The following LZTR1 variants were observed in gnomAD, a reference collection of about 807,000 sequenced individuals.
LZTR1 encodes leucine-zipper-like transcriptional regulator 1.
LZTR1 carries 260 observed loss-of-function variants against 105.7 expected under a neutral mutation model. The ratio of observed to expected loss-of-function variants is 2.46; its 90% CI spans 2.22 to 2.72. LZTR1 has a LOEUF of 2.72. Ranked by LOEUF, LZTR1 falls within the 30% of genes most tolerant of loss-of-function variation. The pLI is 0.00. For missense variants in LZTR1, 1,214 were observed against 1,166.9 expected (o/e 1.04, Z -0.59); for synonymous variants, 490 against 476.4 (o/e 1.03, Z -0.37).
chr22:20,997,568 ACC>A lies in LZTR1; in HGVS notation c.*224_*225del, dbSNP rs936811830. On this transcript the variant is annotated 3_prime_UTR_variant, in exon 21 of 21. Transcript: ENST00000646124. ...CCACAGGGAGCGGATGATGAAGCAG[ACC>A]CCCTCCTGTCATCACCCTCTCCTGG... The A allele has an allele frequency of 3.1e-4, 156 of 499,150 alleles. No homozygotes were observed. The highest frequency in any genetic ancestry group is 2.9e-3 in the African/African-American group (148 of 51,484). The allele number at this position is 499,150 out of a possible 1,614,324, so 30.9% of individuals were successfully genotyped here.
rs567275699 is a variant in LZTR1 at position 20,997,897 on chromosome 22, C to G, written c.*549C>G. 6.5e-6 allele frequency: 1 copy of G among 153,000 alleles called. No individual in the cohort carries two copies. The highest frequency in any genetic ancestry group is 1.5e-5 in the Non-Finnish European group (1 of 68,634). The allele number at this position is 153,000 out of a possible 1,614,324, so 9.5% of individuals were successfully genotyped here. A position where few individuals can be genotyped will look rare whatever the true frequency, so the allele number is the denominator to read the frequency against. ...GAGTGGGGACCCATGATGTATGGGT[C>G]TCACCTGACTTGAGGTGAATTTTGG... On this transcript the variant is annotated 3_prime_UTR_variant, in exon 21 of 21. Transcript: ENST00000646124.
chr22:20,987,662 T>A (rs945499950), intron 4 of LZTR1, 79 bp downstream of exon 4: 21 of 1,302,856 alleles, frequency 1.6e-5, no homozygotes, highest in Non-Finnish European at 2.3e-5. Context: ...GCCTGGGGCA[T>A]TTGTGCTCGT....
At chr22:20,994,083 T>C in intron 13 of LZTR1, 21 bp from the exon 14 acceptor site, 1 of 1,577,338 alleles carries the variant, frequency 6.3e-7, no homozygotes, top group South Asian at 1.1e-5. Context: ...GGGGTGTCCT[T>C]GAGCTCCCTT....
chr22:20,987,939 T>C, intron 4 of LZTR1, 71 bp from the exon 5 acceptor site: 1 of 934,796 alleles, frequency 1.1e-6, no homozygotes. Flanking sequence ...CAGATTCTGC[T>C]CCACCTTCCA....
intron 6 of LZTR1, 82 bp downstream of exon 6, chr22:20,988,954 G>A (rs902218959): frequency 3.1e-6 from 4 of 1,276,282 alleles, no homozygotes; most frequent in Non-Finnish European, 4.5e-6. Context: ...TGAGGGCTTA[G>A]GCTGGGAGGA....
chr22:20,990,213 C>A (rs1569155460), intron 7 of LZTR1, among the ~76,000 whole-genome samples, 173 bp from the exon 8 acceptor site: 1 of 152,162 alleles, frequency 6.6e-6, no homozygotes, highest in Non-Finnish European at 1.5e-5. Context: ...CACAACTGGG[C>A]CCCGTGAAGT....
In LZTR1 at chr22:20,989,659, C is replaced by T. The variant is rs150419186; in HGVS notation, c.628C>T (p.Arg210Ter). The T allele has an allele frequency of 9.3e-5, 150 of 1,613,000 alleles. No individual in the cohort carries two copies. The highest frequency in any genetic ancestry group is 1.6e-4 in the Middle Eastern group (1 of 6,082). ...CATGTGGACAATTGGCCTCCAGGAC[C>T]GAGAGCTCACCTGCTGGGAGGAGGT... Reference protein sequence around the residue: ...NDMWTIGLQDRELTCWEEVAQ... With the variant: ...NDMWTIGLQD Residue 210 changes from arginine (R) to a stop codon, truncating the protein, a stop_gained, in exon 7 of 21, where the codon CGA becomes TGA. Coordinates refer to ENST00000646124, the MANE Select transcript of LZTR1 (RefSeq NM_006767.4). LOFTEE classifies it high-confidence loss of function.
rs941956763 is a variant in LZTR1 at position 20,988,825 on chromosome 22, G to T, written c.546G>T (p.Val182=). Residue 182 remains valine, a synonymous_variant, in exon 6 of 21, where the codon GTG becomes GTT. Coordinates refer to ENST00000646124, the MANE Select transcript of LZTR1 (RefSeq NM_006767.4). ...CTAGGTCAGCCCATGGGGCCACGGTGTACAGTGACAAGCTGTGGATCTTTG... is the reference window on the plus strand; with the variant it reads ...CTAGGTCAGCCCATGGGGCCACGGTTTACAGTGACAAGCTGTGGATCTTTG... ...PVARSAHGAT[V]YSDKLWIFAG... is the part of the protein sequence containing the mutation. The T allele has an allele frequency of 1.2e-6, 2 of 1,614,040 alleles. No homozygotes were observed. The highest frequency in any genetic ancestry group is 1.7e-6 in the Non-Finnish European group (2 of 1,180,038).
chr22:20,992,403 C>T, intron 10 of LZTR1, 34 bp downstream of exon 10: 1 of 1,589,930 alleles, frequency 6.3e-7, no homozygotes, highest in Non-Finnish European at 8.6e-7. Context: ...GACTCCATCA[C>T]CCCCTGAAAC....
At chr22:20,993,340 G>C (rs1252832772) in intron 11 of LZTR1, 11 of 485,470 alleles carry the variant, frequency 2.3e-5, no homozygotes, top group Non-Finnish European at 3.7e-6. Context: ...GCTGGTGGGG[G>C]CCAGTGTGAG....
chr22:20,982,448 C>T lies in LZTR1; in HGVS notation c.77C>T (p.Pro26Leu). Reference protein sequence around the residue: ...LAGGARSKVAPSVDFDHSCSD... With the variant: ...LAGGARSKVALSVDFDHSCSD... Reference sequence around the variant, plus strand: ...GGCGGCGCGCGGTCCAAGGTAGCCCCGAGCGTGGACTTCGACCATAGCTGC... The same window carrying T: ...GGCGGCGCGCGGTCCAAGGTAGCCCTGAGCGTGGACTTCGACCATAGCTGC... Residue 26 changes from proline to leucine, a missense_variant, in exon 1 of 21, where the codon CCG (proline) becomes CTG (leucine). Coordinates refer to ENST00000646124, the MANE Select transcript of LZTR1 (RefSeq NM_006767.4). The T allele has an allele frequency of 6.3e-7, 1 of 1,594,944 alleles. No homozygotes were observed. The highest frequency in any genetic ancestry group is 8.5e-7 in the Non-Finnish European group (1 of 1,170,570).
chr22:20,983,186 C>A, intron 2 of LZTR1, 97 bp downstream of exon 2: 1 of 1,055,886 alleles, frequency 9.5e-7, no homozygotes, highest in South Asian at 1.3e-5. Flanking sequence ...CTTTCAGATG[C>A]TAGCTGGTGC....
chr22:20,988,852 TGGCTATGACGGCAAC>T lies in LZTR1; in HGVS notation c.575_589del (p.Gly192_Asn196del). ...ACAGTGACAAGCTGTGGATCTTTGC[TGGCTATGACGGCAAC>T]GCCAGGTGGGTGGTGGTCCGGCCTG... On this transcript the variant is annotated inframe_deletion, in exon 6 of 21. Coordinates refer to ENST00000646124, the MANE Select transcript of LZTR1 (RefSeq NM_006767.4). 6.2e-7 allele frequency: 1 copy of T among 1,614,058 alleles called. No homozygotes were observed. The highest frequency in any genetic ancestry group is 8.5e-7 in the Non-Finnish European group (1 of 1,179,952).
chr22:20,984,700 C>G (rs1385380873), intron 2 of LZTR1, among the ~76,000 whole-genome samples: 1 of 151,962 alleles, frequency 6.6e-6, no homozygotes. Context: ...CTTTGAGCCA[C>G]TAGGCTTTGT....
chr22:20,990,017 C>T (rs969223082), intron 7 of LZTR1, among the ~76,000 whole-genome samples: 1 of 152,168 alleles, frequency 6.6e-6, no homozygotes, highest in Admixed American at 6.5e-5. Context: ...TATTTCAGTG[C>T]AGTGAGGGCC....
rs574907747 is a variant in LZTR1 at position 20,989,031 on chromosome 22, AGAG to A, written c.593+165_593+167del. Among the ~76,000 whole-genome samples the A allele has an allele frequency of 5.3e-5, 8 of 152,154 alleles. No homozygotes were observed. In the South Asian group the frequency reaches 1.7e-3, roughly 32 times the overall value. ...GGTTTCTTGGGAGGGGGATGGGGAA[AGAG>A]GAGGATGGACAGATGGAGGTGAGGG... On this transcript the variant is annotated intron_variant, in intron 6 of 20. Transcript: ENST00000646124.
intron 16 of LZTR1, 173 bp from the exon 17 acceptor site, chr22:20,995,573 C>T (rs1569157789): frequency 2.2e-5 from 18 of 804,574 alleles, no homozygotes; most frequent in South Asian, 4.6e-5. Flanking sequence ...TCGGCCAGGG[C>T]GCCGAGGGAG....
At chr22:20,995,157 C>T in intron 16 of LZTR1, 131 bp downstream of exon 16, 3 of 998,690 alleles carry the variant, frequency 3.0e-6, no homozygotes, top group Non-Finnish European at 4.5e-6. Context: ...CCCCAGAGTG[C>T]TCTCCTGGGT....
At chr22:20,987,885 G>A (rs572841895) in intron 4 of LZTR1, 125 bp from the exon 5 acceptor site, 58 of 681,038 alleles carry the variant, frequency 8.5e-5, no homozygotes, top group Admixed American at 1.2e-4. Context: ...AGGTCGTTCC[G>A]GGGCTTGTGG....
Sources: gnomAD v4.1 joint callset for allele counts (sites outside exome capture counted in the v4.1 genomes callset) on GRCh38, gnomAD v4.1.1 for gene constraint, MANE v1.5 for transcripts, NCBI Gene and HGNC (gene_info 2026-07-23, HGNC 2026-07-21) for gene names.